The following DMD variants were observed in gnomAD, a reference collection of about 807,000 sequenced individuals.
The protein encoded by DMD is dystrophin, also known as mutant dystrophin.
Under a neutral mutation model 330.1 loss-of-function variants are expected in DMD, and 63 were observed. The ratio of observed to expected loss-of-function variants is 0.19; its 90% CI spans 0.16 to 0.24. The LOEUF is 0.24. Ranked by LOEUF, DMD falls within the 10% of genes least tolerant of loss-of-function variation. DMD has a pLI of 1.00. For missense variants in DMD, 3,344 were observed against 2,684.1 expected (o/e 1.25, Z -5.43); for synonymous variants, 1,223 against 959.8 (o/e 1.27, Z -5.07).
At chrX:31,539,970 G>A (rs2073697415) in intron 55 of DMD, among the ~76,000 whole-genome samples, 1 of 111,439 alleles carries the variant, frequency 9.0e-6, no homozygotes, top group South Asian at 3.8e-4. Flanking sequence ...AGGGGTGGGA[G>A]GGGTAGCCGA....
chrX:31,951,748 T>C (rs1008455855), intron 45 of DMD, among the ~76,000 whole-genome samples: 2 of 111,346 alleles, frequency 1.8e-5, no homozygotes, highest in Admixed American at 1.9e-4. Flanking sequence ...GAAAAACATA[T>C]ATCTATATTT....
chrX:32,844,634 C>T (rs1182619641), intron 4 of DMD, 149 bp downstream of exon 4: 13 of 515,232 alleles, frequency 2.5e-5, no homozygotes, highest in Non-Finnish European at 3.4e-5. Flanking sequence ...ATCAGGCATA[C>T]ACGAATTACA....
At chrX:32,632,740 A>T (rs866532612) in intron 11 of DMD, among the ~76,000 whole-genome samples, 1 of 30,464 alleles carries the variant, frequency 3.3e-5, no homozygotes, top group Non-Finnish European at 6.6e-5. Flanking sequence ...TGCGGGGGGG[A>T]GGGGTTGGGG....
chrX:33,022,988 A>T (rs2093941228), intron 1 of DMD, among the ~76,000 whole-genome samples: 1 of 111,730 alleles, frequency 9.0e-6, no homozygotes, highest in Admixed American at 9.5e-5. Flanking sequence ...ACTGATCTAG[A>T]ACTGAATAAT....
chrX:31,887,259 A>G (rs950699825), intron 47 of DMD, among the ~76,000 whole-genome samples: 1 of 112,351 alleles, frequency 8.9e-6, no homozygotes, highest in African/African-American at 3.2e-5. Context: ...CAATTTCTTC[A>G]TAACTTTGAA....
At chrX:33,094,265 T>G (rs2148329041) in intron 1 of DMD, among the ~76,000 whole-genome samples, 1 of 111,725 alleles carries the variant, frequency 9.0e-6, no homozygotes, top group South Asian at 3.7e-4. Context: ...TGCCAGGCCC[T>G]GAGTGAGTTC....
At chrX:32,086,545 T>TG (rs915523126) in intron 44 of DMD, among the ~76,000 whole-genome samples, 4 of 110,471 alleles carry the variant, frequency 3.6e-5, no homozygotes, top group African/African-American at 6.6e-5. Flanking sequence ...TGTTGTTGGG[T>TG]GGGGGGGAAG....
chrX:32,252,970 G>A (rs1441380478), intron 43 of DMD, among the ~76,000 whole-genome samples: 1 of 86,076 alleles, frequency 1.2e-5, no homozygotes, highest in Non-Finnish European at 2.2e-5. Context: ...ATATATGTTT[G>A]TGTGTGTATA....
intron 41 of DMD, 41 bp downstream of exon 41, chrX:32,342,059 T>G (rs1603631214): frequency 2.6e-6 from 3 of 1,161,739 alleles, no homozygotes; most frequent in East Asian, 6.0e-5. Context: ...AATAGAGTAG[T>G]AGTTGCAAAC....
intron 60 of DMD, among the ~76,000 whole-genome samples, chrX:31,442,163 G>A (rs1028652577): frequency 3.6e-5 from 4 of 111,686 alleles, no homozygotes; most frequent in African/African-American, 9.8e-5. Flanking sequence ...GAACTTCATT[G>A]GTTTTAAACT....
At chrX:32,055,326 C>A (rs143171390) in intron 44 of DMD, among the ~76,000 whole-genome samples, 1,760 of 112,053 alleles carry the variant, frequency 0.016, 48 homozygotes, top group African/African-American at 0.053. Context: ...GGTGTGTAAT[C>A]TTGCCTGTTG....
intron 49 of DMD, among the ~76,000 whole-genome samples, chrX:31,832,160 G>A (rs2093062597): frequency 8.9e-6 from 1 of 111,951 alleles, no homozygotes. Flanking sequence ...TGTACGCATG[G>A]CAGATGATTT....
chrX:32,816,288 T>G (rs1417831075), intron 6 of DMD, among the ~76,000 whole-genome samples, 180 bp downstream of exon 6: 1 of 112,150 alleles, frequency 8.9e-6, no homozygotes, highest in East Asian at 2.8e-4. Flanking sequence ...ATGTATCCCA[T>G]AGAACACTGG....
intron 16 of DMD, among the ~76,000 whole-genome samples, chrX:32,552,504 T>C (rs375914635): frequency 9.0e-6 from 1 of 111,695 alleles, no homozygotes; most frequent in East Asian, 2.8e-4. Context: ...ACTCTGGACA[T>C]TGAAACTGCA....
chrX:32,907,025 G>T (rs1778075752), intron 2 of DMD, among the ~76,000 whole-genome samples: 1 of 112,173 alleles, frequency 8.9e-6, no homozygotes, highest in Non-Finnish European at 1.9e-5. Flanking sequence ...CTTAGTCTCT[G>T]TATTTGTTGA....
intron 9 of DMD, among the ~76,000 whole-genome samples, chrX:32,652,976 G>A (rs1390749041): frequency 8.9e-6 from 1 of 111,875 alleles, no homozygotes; most frequent in Non-Finnish European, 1.9e-5. Context: ...AGAAGTGTCT[G>A]TTCATATCCT....
intron 44 of DMD, among the ~76,000 whole-genome samples, chrX:32,001,892 G>C (rs771641227): frequency 9.0e-6 from 1 of 111,610 alleles, no homozygotes; most frequent in East Asian, 2.8e-4. Context: ...CTAGGAATTA[G>C]GATCATGATT....
rs888312975 is a variant in DMD, at chrX:31,338,194, G to A, written c.9163+10362C>T. Among the ~76,000 whole-genome samples the A allele has an allele frequency of 4.6e-5, 5 of 108,466 alleles. No individual in the cohort carries two copies. The East Asian group carries it at 1.5e-3, about 32-fold the overall frequency. The allele number at this position is 108,466 out of a possible 115,157, so 94.2% of individuals were successfully genotyped here. A position where few individuals can be genotyped will look rare whatever the true frequency, so the allele number is the denominator to read the frequency against. On this transcript the variant is annotated intron_variant, in intron 61 of 78. Coordinates refer to ENST00000357033, the MANE Select transcript of DMD (RefSeq NM_004006.3). ...TAAAAGCCCAGCCCTGGCTGGGCGC[G>A]GTGGCTCACGCCTGTAATCCCAGCA...
chrX:31,559,241 G>C, intron 55 of DMD, among the ~76,000 whole-genome samples: 1 of 111,628 alleles, frequency 9.0e-6, no homozygotes, highest in South Asian at 3.8e-4. Flanking sequence ...TGCTGGATCT[G>C]TGTATTCCTA....
Sources: allele counts gnomAD v4.1 joint callset (sites outside exome capture counted in the v4.1 genomes callset), GRCh38; gene constraint gnomAD v4.1.1; transcripts MANE v1.5; gene names NCBI Gene and HGNC (gene_info 2026-07-23, HGNC 2026-07-21).